The following IQSEC1 variants were observed in gnomAD, a reference collection of about 807,000 sequenced individuals.
The protein encoded by IQSEC1 is IQ motif and Sec7 domain ArfGEF 1, also known as IQ motif and SEC7 domain-containing protein 1.
Under a neutral mutation model 91.0 loss-of-function variants are expected in IQSEC1, and 31 were observed. The observed-to-expected ratio is 0.34, with a 90% CI of 0.26 to 0.46. IQSEC1 has a LOEUF of 0.46. IQSEC1 is among the 20% of genes least tolerant of loss of function. The pLI is 1.00. For missense variants in IQSEC1, 1,388 were observed against 1,575.6 expected, an observed-to-expected ratio of 0.88 and a Z score of 2.02; for synonymous variants, 699 against 662.6, an observed-to-expected ratio of 1.05 and a Z score of -0.84.
intron 2 of IQSEC1, among the ~76,000 whole-genome samples, chr3:13,130,794 A>C (rs1385025465): frequency 6.6e-6 from 1 of 152,094 alleles, no homozygotes; most frequent in Non-Finnish European, 1.5e-5. Flanking sequence ...AATACTAATA[A>C]TAATACAAAA....
intron 1 of IQSEC1, among the ~76,000 whole-genome samples, chr3:13,025,027 T>C (rs1303410943): frequency 6.6e-6 from 1 of 152,244 alleles, no homozygotes. Context: ...CAGGACAGCA[T>C]GGCCAGTTCT....
chr3:13,154,153 T>G (rs1420717164), intron 2 of IQSEC1, among the ~76,000 whole-genome samples: 1 of 151,912 alleles, frequency 6.6e-6, no homozygotes, highest in Admixed American at 6.6e-5. Context: ...CCCAGCCCAC[T>G]TCTTGCTTCC....
chr3:12,961,769 T>C (rs1428987429), intron 1 of IQSEC1, among the ~76,000 whole-genome samples: 1 of 152,254 alleles, frequency 6.6e-6, no homozygotes, highest in Admixed American at 6.5e-5. Flanking sequence ...GACTATGCAC[T>C]GTTGAAGCAC....
At position 12,935,822 on chromosome 3, in the gene IQSEC1, G is replaced by A. The variant is rs762612515; in HGVS notation, c.1194C>T (p.Gly398=). Reference sequence around the variant, plus strand: ...CATGCTTGGGACTGCCCTGCTGCCCGCCAAGGCTGCGCTCGTAAGCACTCT... The same window carrying A: ...CATGCTTGGGACTGCCCTGCTGCCCACCAAGGCTGCGCTCGTAAGCACTCT... ...KRQSAYERSL[G]GQQGSPKHGP... Residue 398 remains glycine (G), a synonymous_variant, in exon 3 of 14, where the codon GGC becomes GGT. Coordinates refer to ENST00000613206, the MANE Select transcript of IQSEC1 (RefSeq NM_001134382.3). This position sits in a 1 kb window ranked among gnomAD's most constrained non-coding sequence, Gnocchi z 8.0. The A allele has an allele frequency of 1.6e-5, 26 of 1,607,954 alleles. No homozygotes were observed. Among genetic ancestry groups the A allele is most frequent in the East Asian group, 6.7e-5 (3 of 44,876 alleles).
At chr3:13,095,860 A>G (rs1165804165) in intron 2 of IQSEC1, among the ~76,000 whole-genome samples, 1 of 152,146 alleles carries the variant, frequency 6.6e-6, no homozygotes, top group East Asian at 1.9e-4. Flanking sequence ...GAGGCCTGGG[A>G]AGGATGAGGC....
At chr3:12,984,122 G>T (rs1701606232) in intron 1 of IQSEC1, among the ~76,000 whole-genome samples, 1 of 152,162 alleles carries the variant, frequency 6.6e-6, no homozygotes. Context: ...CCATGGTCCA[G>T]TTCTCTCTGA....
At chr3:13,246,856 G>A (rs1695116763) in intron 1 of IQSEC1, among the ~76,000 whole-genome samples, 1 of 152,186 alleles carries the variant, frequency 6.6e-6, no homozygotes, top group South Asian at 2.1e-4. Context: ...TTCCTGGATG[G>A]GGGACACAGC....
intron 2 of IQSEC1, among the ~76,000 whole-genome samples, chr3:13,078,913 C>T (rs1385674046): frequency 1.3e-5 from 2 of 152,228 alleles, no homozygotes; most frequent in Non-Finnish European, 2.9e-5. Flanking sequence ...ATATGTTTAT[C>T]TCAATTTAAA....
chr3:13,272,574 G>A (rs1227071177), intron 1 of IQSEC1, among the ~76,000 whole-genome samples: 2 of 152,198 alleles, frequency 1.3e-5, no homozygotes, highest in East Asian at 1.9e-4. Flanking sequence ...GCCAACCTAG[G>A]GGTGAGGGTC....
At position 12,963,454 on chromosome 3, in the gene IQSEC1, T is replaced by C. The variant is rs558358105; in HGVS notation, c.24-21589A>G. On this transcript the variant is annotated intron_variant, in intron 1 of 13. Transcript: ENST00000613206. ...CTCACAAACGAGCAAAAAAGAAAAC[T>C]GTGAGGAATCATTTTAACTCAGCAA... Among the ~76,000 whole-genome samples, 232 of 152,190 alleles carry C rather than the reference T, an allele frequency of 1.5e-3. 1 individual carries two copies. Among genetic ancestry groups the C allele is most frequent in the Admixed American group, 3.0e-3 (46 of 15,288 alleles).
intron 6 of IQSEC1, among the ~76,000 whole-genome samples, chr3:12,916,265 G>A (rs547889895): frequency 1.3e-5 from 2 of 152,214 alleles, no homozygotes; most frequent in Non-Finnish European, 2.9e-5. Context: ...GTGAGGAAAC[G>A]AGGGGCGCCT....
At chr3:13,063,607 GA>G (rs1652532585) in intron 1 of IQSEC1, among the ~76,000 whole-genome samples, 1 of 152,222 alleles carries the variant, frequency 6.6e-6, no homozygotes, top group South Asian at 2.1e-4. Context: ...GGCATTGGGG[GA>G]CAATGGATAA....
chr3:13,223,423 G>A (rs1694697161), intron 1 of IQSEC1, among the ~76,000 whole-genome samples: 1 of 152,186 alleles, frequency 6.6e-6, no homozygotes, highest in South Asian at 2.1e-4. Context: ...CTCCACCCCT[G>A]GGGAGTGGAA....
At chr3:13,250,419 C>CTTTTT (rs201786837) in intron 1 of IQSEC1, among the ~76,000 whole-genome samples, 11 of 147,106 alleles carry the variant, frequency 7.5e-5, no homozygotes, top group African/African-American at 1.3e-4. Context: ...GCCCCACTTT[C>CTTTTT]CTTTTTTTTT....
intron 1 of IQSEC1, among the ~76,000 whole-genome samples, chr3:13,049,378 C>G (rs1490427147): frequency 1.3e-5 from 2 of 152,216 alleles, no homozygotes; most frequent in South Asian, 2.1e-4. Context: ...TCTGATCTCA[C>G]TCTGGCCACA....
chr3:13,244,455 T>G (rs1695074927), intron 1 of IQSEC1, among the ~76,000 whole-genome samples: 1 of 152,250 alleles, frequency 6.6e-6, no homozygotes, highest in Admixed American at 6.5e-5. Context: ...GTAATTCACC[T>G]GCCATTCAAA....
At chr3:13,035,005 G>C (rs1703983230) in intron 1 of IQSEC1, among the ~76,000 whole-genome samples, 2 of 152,244 alleles carry the variant, frequency 1.3e-5, no homozygotes, top group Admixed American at 1.3e-4. Context: ...GTCCCTGGAG[G>C]CTCTGTCCTG....
At chr3:13,122,170 G>A (rs982334348) in intron 2 of IQSEC1, among the ~76,000 whole-genome samples, 25 of 152,218 alleles carry the variant, frequency 1.6e-4, no homozygotes, top group Non-Finnish European at 3.5e-4. Flanking sequence ...GCTGGGCAGG[G>A]AAAGCCTCCC....
intron 1 of IQSEC1, among the ~76,000 whole-genome samples, chr3:12,962,685 C>T (rs1025251448): frequency 6.6e-6 from 1 of 152,242 alleles, no homozygotes; most frequent in African/African-American, 2.4e-5. Context: ...CAGGACCCTG[C>T]TCCAAGCAGA....
Sources: allele counts gnomAD v4.1 joint callset (sites outside exome capture counted in the v4.1 genomes callset), GRCh38; gene constraint gnomAD v4.1.1; non-coding constraint Gnocchi (gnomAD v3.1); transcripts MANE v1.5; gene names NCBI Gene and HGNC (gene_info 2026-07-23, HGNC 2026-07-21).